Variants in AGBL4 observed in about 807,000 individuals in gnomAD.
AGBL4 encodes cytosolic carboxypeptidase 6.
A neutral mutation model predicts 66.4 loss-of-function variants in AGBL4; 58 were observed. That is an observed-to-expected ratio of 0.87 (90% CI 0.71 to 1.09). AGBL4 has a LOEUF of 1.09. Ranked by LOEUF, AGBL4 falls within the 50% of genes least tolerant of loss-of-function variation. The pLI, the probability that AGBL4 is intolerant of heterozygous loss-of-function variation, is 0.00. For synonymous variants in AGBL4, 234 were observed against 222.9 expected (o/e 1.05, Z -0.44); for missense variants, 579 against 631.0 (o/e 0.92, Z 0.88).
intron 3 of AGBL4, among the ~76,000 whole-genome samples, chr1:49,335,647 C>T (rs1038316220): frequency 6.6e-6 from 1 of 152,136 alleles, no homozygotes; most frequent in East Asian, 1.9e-4. Context: ...TCCCGAGTAG[C>T]TGGGACTACA....
chr1:49,660,787 T>A (rs936490483), intron 3 of AGBL4, among the ~76,000 whole-genome samples: 3 of 152,130 alleles, frequency 2.0e-5, no homozygotes, highest in Admixed American at 2.0e-4. Flanking sequence ...AAGATTGAGA[T>A]CATGTCCTTT....
chr1:48,727,844 CCA>C (rs759473886), intron 6 of AGBL4: 1 of 1,559,056 alleles, frequency 6.4e-7, no homozygotes, highest in Non-Finnish European at 8.8e-7. Context: ...AAATCACATG[CCA>C]CACAAGGAAA....
intron 3 of AGBL4, among the ~76,000 whole-genome samples, chr1:49,516,004 G>A (rs951975330): frequency 2.3e-4 from 34 of 150,380 alleles, no homozygotes; most frequent in Admixed American, 4.0e-4. Flanking sequence ...TAACCTGCAC[G>A]TTGTGCACAT....
intron 4 of AGBL4, among the ~76,000 whole-genome samples, chr1:49,079,282 C>A (rs1239847074): frequency 6.6e-6 from 1 of 152,090 alleles, no homozygotes; most frequent in Non-Finnish European, 1.5e-5. Flanking sequence ...GTGTATTAAT[C>A]CATTTTCACA....
intron 5 of AGBL4, among the ~76,000 whole-genome samples, chr1:48,980,351 A>T (rs1008631087): frequency 3.4e-4 from 51 of 152,132 alleles, no homozygotes; most frequent in Non-Finnish European, 3.7e-4. Context: ...CTTGATGCTC[A>T]ATATGGAAAA....
chr1:49,487,030 T>C (rs1647082333), intron 3 of AGBL4, among the ~76,000 whole-genome samples: 1 of 152,024 alleles, frequency 6.6e-6, no homozygotes, highest in African/African-American at 2.4e-5. Flanking sequence ...TCAAAGATGT[T>C]CCACTCAGCA....
intron 1 of AGBL4, among the ~76,000 whole-genome samples, chr1:49,917,278 GAC>G (rs1190000583): frequency 6.6e-6 from 1 of 151,640 alleles, no homozygotes; most frequent in Non-Finnish European, 1.5e-5. Flanking sequence ...CCACTTAAAA[GAC>G]ACAGACTGGC....
intron 3 of AGBL4, among the ~76,000 whole-genome samples, chr1:49,547,526 T>A (rs145310845): frequency 6.6e-6 from 1 of 152,178 alleles, no homozygotes. Flanking sequence ...AATTGCTTTT[T>A]CTAATTCTGT....
chr1:49,414,450 G>A (rs1388142580), intron 3 of AGBL4, among the ~76,000 whole-genome samples: 1 of 152,186 alleles, frequency 6.6e-6, no homozygotes, highest in East Asian at 1.9e-4. Context: ...ATGCAGACTA[G>A]CTTCTTAAAT....
chr1:49,709,715 G>A (rs1013898502), intron 2 of AGBL4, among the ~76,000 whole-genome samples: 2 of 152,006 alleles, frequency 1.3e-5, no homozygotes, highest in Non-Finnish European at 2.9e-5. Flanking sequence ...CTAATATCCA[G>A]AATCTACAAG....
chr1:49,899,436 T>C (rs1013564974), intron 1 of AGBL4, among the ~76,000 whole-genome samples: 6 of 151,904 alleles, frequency 3.9e-5, no homozygotes, highest in African/African-American at 1.5e-4. Flanking sequence ...GGATACACAA[T>C]ATACACTTTT....
At chr1:49,906,181 T>C (rs1346117812) in intron 1 of AGBL4, among the ~76,000 whole-genome samples, 1 of 151,452 alleles carries the variant, frequency 6.6e-6, no homozygotes, top group Non-Finnish European at 1.5e-5. Flanking sequence ...TAAGTAGCAT[T>C]GTTATGTGGA....
At chr1:48,856,605 G>C (rs979772094) in intron 6 of AGBL4, among the ~76,000 whole-genome samples, 6 of 152,140 alleles carry the variant, frequency 3.9e-5, no homozygotes, top group African/African-American at 1.4e-4. Context: ...CAGAAGGGCT[G>C]AGTTCAAATC....
At chr1:48,957,643 C>A (rs993090279) in intron 5 of AGBL4, among the ~76,000 whole-genome samples, 2 of 152,214 alleles carry the variant, frequency 1.3e-5, no homozygotes, top group African/African-American at 4.8e-5. Context: ...GGCTGTCCCA[C>A]AGCTGCTTCT....
chr1:49,754,513 C>A (rs1204205317), intron 2 of AGBL4, among the ~76,000 whole-genome samples: 2 of 152,116 alleles, frequency 1.3e-5, no homozygotes, highest in Non-Finnish European at 2.9e-5. Context: ...TGGATGTCAC[C>A]AGTGCAGCCT....
chr1:48,945,823 C>T (rs963905882), intron 5 of AGBL4, among the ~76,000 whole-genome samples: 4 of 152,166 alleles, frequency 2.6e-5, no homozygotes, highest in African/African-American at 9.7e-5. Context: ...TCCTTGTCTA[C>T]CATTAATTAG....
At chr1:48,950,983 T>TA (rs1231276204) in intron 5 of AGBL4, among the ~76,000 whole-genome samples, 1 of 152,150 alleles carries the variant, frequency 6.6e-6, no homozygotes, top group Non-Finnish European at 1.5e-5. Flanking sequence ...AAAATCCAGA[T>TA]AAAAAATGTC....
intron 11 of AGBL4, among the ~76,000 whole-genome samples, chr1:48,580,711 A>T (rs1378068596): frequency 6.6e-6 from 1 of 152,196 alleles, no homozygotes; most frequent in Non-Finnish European, 1.5e-5. Context: ...GGGAGACAAA[A>T]AATAAAGTTG....
Position 48,634,491 on chromosome 1 carries a change from A to G in AGBL4, c.951+2T>C, listed in dbSNP as rs1427834833. Reference sequence around the variant, plus strand: ...AGCTGTGGAGGGCATTCAGTTACTTACTGGGTCGTTGTACATCTGGACGAT... The same window carrying G: ...AGCTGTGGAGGGCATTCAGTTACTTGCTGGGTCGTTGTACATCTGGACGAT... On this transcript the variant is annotated splice_donor_variant, in intron 9 of 13. Transcript: ENST00000371839. LOFTEE classifies it high-confidence loss of function. 2 of 1,590,204 alleles carry G rather than the reference A, an allele frequency of 1.3e-6. No individual in the cohort carries two copies. Among genetic ancestry groups the G allele is most frequent in the Admixed American group, 3.5e-5 (2 of 57,206 alleles).
Sources: gnomAD v4.1 joint callset for allele counts (sites outside exome capture counted in the v4.1 genomes callset) on GRCh38, gnomAD v4.1.1 for gene constraint, MANE v1.5 for transcripts, NCBI Gene and HGNC (gene_info 2026-07-23, HGNC 2026-07-21) for gene names.